CDH2: variants seen among roughly 807,000 people sequenced by gnomAD.
CDH2 encodes cadherin 2, also known as cadherin-2.
CDH2 carries 17 observed loss-of-function variants against 92.0 expected under a neutral mutation model. The observed-to-expected ratio is 0.18, with a 90% confidence interval of 0.13 to 0.28. The LOEUF (loss-of-function observed/expected upper bound fraction) is 0.28, where lower values mean the gene tolerates loss of function less well. CDH2 is among the 10% of genes least tolerant of loss of function. The pLI is 1.00. For missense variants in CDH2, 862 were observed against 1,133.1 expected, an observed-to-expected ratio of 0.76 and a Z score of 3.44; for synonymous variants, 419 against 415.9, an observed-to-expected ratio of 1.01 and a Z score of -0.09.
chr18:28,022,124 T>C (rs1334964577), intron 2 of CDH2, among the ~76,000 whole-genome samples: 2 of 151,870 alleles, frequency 1.3e-5, no homozygotes, highest in African/African-American at 2.4e-5. Context: ...CTCATAAATC[T>C]GAAAAAAAAT....
intron 2 of CDH2, among the ~76,000 whole-genome samples, chr18:28,134,931 CA>C (rs1284357289): frequency 6.6e-6 from 1 of 152,042 alleles, no homozygotes; most frequent in Non-Finnish European, 1.5e-5. Context: ...GGAAGGTGCC[CA>C]AAAGGCTCGA....
intron 2 of CDH2, among the ~76,000 whole-genome samples, chr18:28,130,958 C>T (rs181688033): frequency 3.3e-5 from 5 of 152,226 alleles, no homozygotes; most frequent in East Asian, 3.9e-4. Flanking sequence ...TGGACACGCA[C>T]GCTAATCCAT....
At chr18:28,150,692 TACTG>T (rs1269918912) in intron 1 of CDH2, among the ~76,000 whole-genome samples, 1 of 152,166 alleles carries the variant, frequency 6.6e-6, no homozygotes, top group Non-Finnish European at 1.5e-5. Flanking sequence ...CTCTAATGAA[TACTG>T]ACTACTAATA....
chr18:28,023,516 G>A (rs915974504), intron 2 of CDH2, among the ~76,000 whole-genome samples: 1 of 152,002 alleles, frequency 6.6e-6, no homozygotes, highest in African/African-American at 2.4e-5. Flanking sequence ...AGTAGGACAG[G>A]GTTTTACCAT....
rs776463859 is a variant in CDH2 at position 28,005,838 on chromosome 18, T to G, written c.847+11A>C. Reference sequence around the variant, plus strand: ...CTCAAGTCATCTTCAAATTATTATCTTTAAACTTACCAGGCTTTGATCCCT... The same window carrying G: ...CTCAAGTCATCTTCAAATTATTATCGTTAAACTTACCAGGCTTTGATCCCT... On this transcript the variant is annotated intron_variant, in intron 6 of 15. Coordinates refer to ENST00000269141, the MANE Select transcript of CDH2 (RefSeq NM_001792.5). 5 of 1,604,776 alleles carry G rather than the reference T, an allele frequency of 3.1e-6. No individual in the cohort carries two copies. The East Asian group carries it at 1.1e-4, about 36-fold the overall frequency.
chr18:28,005,607 T>C (rs1311706650), intron 6 of CDH2, among the ~76,000 whole-genome samples: 1 of 152,182 alleles, frequency 6.6e-6, no homozygotes, highest in African/African-American at 2.4e-5. Context: ...TCAAATACTG[T>C]AGTGCATATT....
chr18:27,986,508 A>G (rs1229238574), intron 11 of CDH2, among the ~76,000 whole-genome samples: 2 of 152,182 alleles, frequency 1.3e-5, no homozygotes, highest in Non-Finnish European at 2.9e-5. Flanking sequence ...TGCTGTCTCC[A>G]CCACTTTGTG....
chr18:28,158,304 C>A (rs1164030712), intron 1 of CDH2, among the ~76,000 whole-genome samples: 1 of 152,170 alleles, frequency 6.6e-6, no homozygotes, highest in East Asian at 1.9e-4. Context: ...GGAAGCAGCA[C>A]CCCATCCAGT....
At chr18:28,092,623 A>G (rs2015057583) in intron 2 of CDH2, among the ~76,000 whole-genome samples, 1 of 152,050 alleles carries the variant, frequency 6.6e-6, no homozygotes, top group South Asian at 2.1e-4. Context: ...AAATATTAAC[A>G]TATACTATTA....
At chr18:28,099,346 G>C (rs1291790165) in intron 2 of CDH2, among the ~76,000 whole-genome samples, 1 of 152,104 alleles carries the variant, frequency 6.6e-6, no homozygotes, top group Non-Finnish European at 1.5e-5. Context: ...AAAGAATGCA[G>C]GTCAAGAGGA....
At position 28,005,468 on chromosome 18, in the gene CDH2, C is replaced by T. The variant is rs567910173; in HGVS notation, c.847+381G>A. ...TTCTCACTGTGTTAAATTGCTGCTA[C>T]GTCTCATACAGTCACATCTGTACTT... is the stretch of plus-strand genomic sequence containing the variant. On this transcript the variant is annotated intron_variant, in intron 6 of 15. Transcript: ENST00000269141. Among the ~76,000 whole-genome samples the T allele has an allele frequency of 9.9e-5, 15 of 152,268 alleles. No homozygotes were observed. In the South Asian group the frequency reaches 1.7e-3, roughly 17 times the overall value.
intron 2 of CDH2, among the ~76,000 whole-genome samples, chr18:28,074,050 G>T (rs991468902): frequency 2.6e-5 from 4 of 152,120 alleles, no homozygotes; most frequent in African/African-American, 9.7e-5. Context: ...TTCTCTGCAA[G>T]AATTTTTAAA....
At chr18:27,989,091 C>T (rs2012328100) in intron 10 of CDH2, among the ~76,000 whole-genome samples, 1 of 152,162 alleles carries the variant, frequency 6.6e-6, no homozygotes, top group Admixed American at 6.5e-5. Context: ...ACAGAACACT[C>T]CTAAAACATT....
rs564718364 is a variant in CDH2 at position 28,045,574 on chromosome 18, T to C, written c.173-31665A>G. On this transcript the variant is annotated intron_variant, in intron 2 of 15. Transcript: ENST00000269141. ...GGCTTCTGCCTTGCTCATGCTAGCC[T>C]ATCTGAGTGGAACACTCTTACTTAA... 20 of 363,284 alleles carry C rather than the reference T, an allele frequency of 5.5e-5. No individual in the cohort carries two copies. The East Asian group carries it at 1.0e-3, about 19-fold the overall frequency. The allele number at this position is 363,284 out of a possible 1,614,324, so 22.5% of individuals were successfully genotyped here. A position where few individuals can be genotyped will look rare whatever the true frequency, so the allele number is the denominator to read the frequency against.
intron 2 of CDH2, among the ~76,000 whole-genome samples, chr18:28,054,534 A>G (rs2014254558): frequency 6.6e-6 from 1 of 152,180 alleles, no homozygotes. Context: ...ATTTTAAACC[A>G]AAACCATGAT....
intron 6 of CDH2, among the ~76,000 whole-genome samples, chr18:27,936,188 T>C (rs1909014419): frequency 1.3e-5 from 2 of 152,240 alleles, no homozygotes; most frequent in Non-Finnish European, 2.9e-5. Flanking sequence ...TCAAAATTAA[T>C]ATCTATATAC....
intron 1 of CDH2, among the ~76,000 whole-genome samples, chr18:28,168,922 C>A (rs2016424448): frequency 6.6e-6 from 1 of 152,042 alleles, no homozygotes; most frequent in Middle Eastern, 3.2e-3. Flanking sequence ...AGGGAGAAAC[C>A]CGTATGCTTT....
intron 14 of CDH2, among the ~76,000 whole-genome samples, chr18:27,979,720 T>C (rs940680477): frequency 6.6e-6 from 1 of 151,866 alleles, no homozygotes; most frequent in African/African-American, 2.4e-5. Flanking sequence ...GTGCCGACTG[T>C]TTGATATCCA....
chr18:28,141,333 G>A (rs1221256198), intron 2 of CDH2, among the ~76,000 whole-genome samples: 1 of 151,872 alleles, frequency 6.6e-6, no homozygotes, highest in Non-Finnish European at 1.5e-5. Context: ...CGCAAAAGGT[G>A]TATGAGGCTA....
Sources: allele counts gnomAD v4.1 joint callset (sites outside exome capture counted in the v4.1 genomes callset), GRCh38; gene constraint gnomAD v4.1.1; transcripts MANE v1.5; gene names NCBI Gene and HGNC (gene_info 2026-07-23, HGNC 2026-07-21).